The following ST13 variants were observed in gnomAD, a reference collection of about 807,000 sequenced individuals.
ST13 encodes the protein hsc70-interacting protein.
In ST13, 23 loss-of-function variants were observed where a neutral mutation model predicts 56.7. That is an observed-to-expected ratio of 0.41 (90% CI 0.29 to 0.57). ST13 has a LOEUF of 0.57. Ranked by LOEUF, ST13 falls within the 20% of genes least tolerant of loss-of-function variation. The pLI, the probability that ST13 is intolerant of heterozygous loss-of-function variation, is 0.36. For synonymous variants in ST13, 132 were observed against 142.4 expected (o/e 0.93, Z 0.52); for missense variants, 369 against 459.9 (o/e 0.80, Z 1.81).
intron 10 of ST13, among the ~76,000 whole-genome samples, chr22:40,828,900 A>C (rs921424288): frequency 1.3e-5 from 2 of 152,208 alleles, no homozygotes; most frequent in African/African-American, 4.8e-5. Context: ...TGTCAAATCT[A>C]AATAAAATGT....
chr22:40,844,841 C>T lies in ST13; in HGVS notation c.313G>A (p.Glu105Lys), dbSNP rs1238829868. Residue 105 changes from glutamate (E) to lysine (K), a missense_variant and splice_region_variant, in exon 4 of 12, where the codon GAG becomes AAG. Physicochemically the swap from Glu to Lys is moderately conservative, Grantham distance 56. Coordinates refer to ENST00000216218, the MANE Select transcript of ST13 (RefSeq NM_003932.5). ...GGAAATCAAGTCACCGAACTTACCT[C>T]CGCATTTTCATCTCCCATTTCTTGA... ...APQEMGDENA[E>K]ITEEMMDQAN... 1 of 1,612,954 alleles carries T rather than the reference C, an allele frequency of 6.2e-7. No individual in the cohort carries two copies. Among genetic ancestry groups the T allele is most frequent in the South Asian group, 1.1e-5 (1 of 90,936 alleles).
In ST13 at chr22:40,856,580, C is replaced by T. The variant is rs199814641; in HGVS notation, c.-40G>A. 1.9e-6 allele frequency: 3 copies of T among 1,553,234 alleles called. No homozygotes were observed. Among genetic ancestry groups the T allele is most frequent in the East Asian group, 2.2e-5 (1 of 44,562 alleles). Reference sequence around the variant, plus strand: ...GGGCGAAACTGGGGGGGCTACGGCCCGGTTCCAGGCCCAGGCGCTGGCTCG... The same window carrying T: ...GGGCGAAACTGGGGGGGCTACGGCCTGGTTCCAGGCCCAGGCGCTGGCTCG... On this transcript the variant is annotated 5_prime_UTR_variant, in exon 1 of 12. Transcript: ENST00000216218.
chr22:40,844,085 G>A (rs1479890530), intron 4 of ST13, among the ~76,000 whole-genome samples: 1 of 151,958 alleles, frequency 6.6e-6, no homozygotes, highest in Non-Finnish European at 1.5e-5. Flanking sequence ...GTTTCACCAT[G>A]TTGGCCAGGC....
chr22:40,829,199 T>C (rs976436471), intron 10 of ST13, among the ~76,000 whole-genome samples: 19 of 152,168 alleles, frequency 1.2e-4, no homozygotes, highest in African/African-American at 4.6e-4. Flanking sequence ...TCTAAAAACT[T>C]TCCTTAAGAG....
chr22:40,843,446 G>A (rs1203608864), intron 4 of ST13, among the ~76,000 whole-genome samples: 1 of 151,922 alleles, frequency 6.6e-6, no homozygotes, highest in East Asian at 1.9e-4. Flanking sequence ...TGGCATTAGT[G>A]AACAGAAAAA....
intron 9 of ST13, 60 bp downstream of exon 9, chr22:40,830,780 C>G (rs951685987): frequency 4.7e-6 from 5 of 1,064,014 alleles, no homozygotes; most frequent in Non-Finnish European, 7.1e-6. Flanking sequence ...TTTTAGTGTC[C>G]TAATGCCTCT....
At chr22:40,852,845 A>T (rs1399959887) in intron 1 of ST13, among the ~76,000 whole-genome samples, 1 of 152,238 alleles carries the variant, frequency 6.6e-6, no homozygotes, top group African/African-American at 2.4e-5. Flanking sequence ...GTTAAATTTT[A>T]ATGAAGACAC....
intron 2 of ST13, among the ~76,000 whole-genome samples, chr22:40,850,549 T>G (rs1176131824): frequency 6.6e-6 from 1 of 152,198 alleles, no homozygotes; most frequent in African/African-American, 2.4e-5. Flanking sequence ...ATGCACACCA[T>G]CACGGAGCTT....
intron 7 of ST13, among the ~76,000 whole-genome samples, chr22:40,832,911 C>A (rs2057760481): frequency 6.6e-6 from 1 of 152,180 alleles, no homozygotes; most frequent in Admixed American, 6.5e-5. Context: ...AAAAAACAAA[C>A]AAAATCTTTC....
rs183647918 is a variant in ST13, at chr22:40,846,006, G to C, written c.245-1097C>G. Among the ~76,000 whole-genome samples, 102 of 152,182 alleles carry C rather than the reference G, an allele frequency of 6.7e-4. 1 individual carries two copies. The highest frequency in any genetic ancestry group is 2.4e-3 in the African/African-American group (100 of 41,518). On this transcript the variant is annotated intron_variant, in intron 3 of 11. Transcript: ENST00000216218. The stretch of plus-strand genomic sequence containing the variant: ...GGTTGGAGTGCAGTGGCGCAATCTT[G>C]GCTCACCGTAACCTCTGCCTCCCAG...
At chr22:40,840,798 A>T in intron 4 of ST13, 106 bp from the exon 5 acceptor site, 1 of 827,402 alleles carries the variant, frequency 1.2e-6, no homozygotes, top group South Asian at 1.7e-5. Flanking sequence ...ATTTTCATTC[A>T]TTCTTCTGTA....
At chr22:40,847,493 G>A (rs1422113120) in intron 3 of ST13, among the ~76,000 whole-genome samples, 1 of 150,328 alleles carries the variant, frequency 6.7e-6, no homozygotes, top group Admixed American at 6.6e-5. Context: ...AGGCTGCAGT[G>A]AGCTGAGATC....
intron 3 of ST13, among the ~76,000 whole-genome samples, chr22:40,846,564 G>A (rs1243839177): frequency 6.6e-6 from 1 of 152,186 alleles, no homozygotes; most frequent in Non-Finnish European, 1.5e-5. Flanking sequence ...TGGAGAGTTG[G>A]TTAAAAAATT....
At chr22:40,834,565 TG>T (rs995659720) in intron 7 of ST13, among the ~76,000 whole-genome samples, 5 of 152,212 alleles carry the variant, frequency 3.3e-5, no homozygotes, top group Non-Finnish European at 7.3e-5. Context: ...ATTTTTAAAA[TG>T]TTTTTTTCTA....
chr22:40,856,621 A>AG lies in ST13; in HGVS notation c.-82dup. ...CGCTGGCTCGGCGTGACCGCGCAGA[A>AG]GGGGGCGGCTGCCGCAAGACAGAAC... On this transcript the variant is annotated 5_prime_UTR_variant, in exon 1 of 12. Coordinates refer to ENST00000216218, the MANE Select transcript of ST13 (RefSeq NM_003932.5). The AG allele has an allele frequency of 8.8e-7, 1 of 1,131,812 alleles. No homozygotes were observed. The highest frequency in any genetic ancestry group is 1.3e-6 in the Non-Finnish European group (1 of 754,132). 70.1% of individuals were successfully genotyped at this position (1,131,812 alleles called of 1,614,324 possible).
chr22:40,828,030 A>G (rs913092385), intron 10 of ST13, among the ~76,000 whole-genome samples: 2 of 152,214 alleles, frequency 1.3e-5, no homozygotes, highest in Admixed American at 1.3e-4. Flanking sequence ...ATACTCTTCT[A>G]GCATAGATCT....
rs184214668 is a variant in ST13, at chr22:40,836,388, T to C, written c.383-501A>G. Among the ~76,000 whole-genome samples the C allele has an allele frequency of 4.0e-3, 607 of 151,676 alleles. 4 individuals carry two copies. The highest frequency in any genetic ancestry group is 6.0e-3 in the Non-Finnish European group (410 of 67,864). On this transcript the variant is annotated intron_variant, in intron 5 of 11. Coordinates refer to ENST00000216218, the MANE Select transcript of ST13 (RefSeq NM_003932.5). ...CGAACCCGGGAGGCGGAGCTTCCAG[T>C]GAGGCGAGATCACCACTGCACTCCA...
At position 40,827,168 on chromosome 22, in the gene ST13, G is replaced by A; in HGVS notation, c.909C>T (p.Gly303=). ...FPGGMPGMGG[G]MPGMAGMPGL... is the part of the protein sequence containing the mutation. ...CAGGCATTCCAGCCATTCCAGGCAT[G>A]CCCCCTCCCATTCCAGGCATTCCTC... Residue 303 remains glycine (G), a synonymous_variant, in exon 11 of 12, where the codon GGC becomes GGT. Transcript: ENST00000216218. The A allele has an allele frequency of 1.9e-6, 3 of 1,612,662 alleles. No homozygotes were observed. Among genetic ancestry groups the A allele is most frequent in the East Asian group, 2.2e-5 (1 of 44,882 alleles).
chr22:40,826,246 A>T lies in ST13; in HGVS notation c.*292T>A, dbSNP rs1315427573. ...AAATCCAAAATGATTAGTAAAGAAA[A>T]ATATAAGAATTAACAGGCCCTTTAA... On this transcript the variant is annotated 3_prime_UTR_variant, in exon 12 of 12. Coordinates refer to ENST00000216218, the MANE Select transcript of ST13 (RefSeq NM_003932.5). 9.7e-6 allele frequency: 2 copies of T among 206,014 alleles called. No homozygotes were observed. Among genetic ancestry groups the T allele is most frequent in the Non-Finnish European group, 1.9e-5 (2 of 103,046 alleles). 12.8% of individuals were successfully genotyped at this position (206,014 alleles called of 1,614,324 possible).
Sources: gnomAD v4.1 joint callset for allele counts (sites outside exome capture counted in the v4.1 genomes callset) on GRCh38, gnomAD v4.1.1 for gene constraint, MANE v1.5 for transcripts, NCBI Gene and HGNC (gene_info 2026-07-23, HGNC 2026-07-21) for gene names.